The following PTCHD4 variants were observed in gnomAD, a reference collection of about 807,000 sequenced individuals.
PTCHD4 encodes patched domain containing 4, also known as patched domain-containing protein 4.
PTCHD4 carries 33 observed loss-of-function variants against 58.1 expected under a neutral mutation model. The observed-to-expected ratio is 0.57, with a 90% confidence interval of 0.43 to 0.76. The LOEUF (loss-of-function observed/expected upper bound fraction) is 0.76. Among genes scored for constraint, PTCHD4 ranks in the 30% least tolerant of loss-of-function variants. The probability of loss-of-function intolerance (pLI) is 0.00; values close to 1 mark genes in which losing one functional copy is unlikely to be tolerated. For missense variants in PTCHD4, 1,058 were observed against 1,027.1 expected, an observed-to-expected ratio of 1.03 and a Z score of -0.41; for synonymous variants, 478 against 409.6, an observed-to-expected ratio of 1.17 and a Z score of -2.02.
chr6:47,975,064 A>C (rs1004164035), intron 4 of PTCHD4, among the ~76,000 whole-genome samples: 1 of 152,178 alleles, frequency 6.6e-6, no homozygotes, highest in Non-Finnish European at 1.5e-5. Flanking sequence ...CTTCACCTCC[A>C]AGGCTGGGTT....
chr6:47,990,983 T>G (rs1768262112), intron 4 of PTCHD4, among the ~76,000 whole-genome samples: 1 of 151,940 alleles, frequency 6.6e-6, no homozygotes, highest in Non-Finnish European at 1.5e-5. Context: ...TCTTTCACAA[T>G]GTAGCACAGA....
intron 1 of PTCHD4, among the ~76,000 whole-genome samples, chr6:48,109,857 T>C (rs1207246918): frequency 6.6e-6 from 1 of 151,654 alleles, no homozygotes; most frequent in Non-Finnish European, 1.5e-5. Flanking sequence ...ATCAGGGAAA[T>C]AAAAATCAAA....
intron 1 of PTCHD4, among the ~76,000 whole-genome samples, chr6:48,075,173 G>A (rs1293737994): frequency 6.6e-6 from 1 of 152,118 alleles, no homozygotes; most frequent in Non-Finnish European, 1.5e-5. Flanking sequence ...CTATTTAAGA[G>A]GGTACATCAA....
chr6:47,960,155 T>C (rs1440169328), intron 4 of PTCHD4, among the ~76,000 whole-genome samples: 1 of 152,102 alleles, frequency 6.6e-6, no homozygotes, highest in Non-Finnish European at 1.5e-5. Context: ...GGTAGACTGA[T>C]AAAGAGTTAT....
intron 4 of PTCHD4, among the ~76,000 whole-genome samples, chr6:47,973,926 T>TAGTA (rs1283205037): frequency 1.3e-5 from 2 of 152,134 alleles, no homozygotes; most frequent in Non-Finnish European, 2.9e-5. Context: ...AGTTATCAAG[T>TAGTA]AGTAACATCA....
Position 47,879,058 on chromosome 6 carries a change from T to C in PTCHD4, c.1777A>G (p.Lys593Glu), listed in dbSNP as rs1763935647. ...ATGATATTGCTTTCATCCCCTGCCT[T>C]GGAGAAGATGATATCATTTCGAAAA... The part of the protein sequence containing the change: ...QHFRNDIIFS[K>E]AGDESNIIAS... The change falls in exon 5 of 5, where the codon AAG (lysine) becomes GAG (glutamate). Residue 593 changes from lysine to glutamate, a missense_variant. By Grantham distance (56) the Lys-to-Glu change is moderately conservative (BLOSUM62 1). Coordinates refer to ENST00000339488, the MANE Select transcript of PTCHD4 (RefSeq NM_001384253.1). 2.5e-6 allele frequency: 4 copies of C among 1,613,524 alleles called. No individual in the cohort carries two copies. In the East Asian group the frequency reaches 8.9e-5, roughly 36 times the overall value.
intron 1 of PTCHD4, among the ~76,000 whole-genome samples, chr6:48,095,742 A>AAC (rs887736821): frequency 6.6e-6 from 1 of 151,842 alleles, no homozygotes; most frequent in African/African-American, 2.4e-5. Context: ...CAAAAAAAAA[A>AAC]AAAAACAAAT....
intron 1 of PTCHD4, among the ~76,000 whole-genome samples, chr6:48,105,131 C>T (rs1381624731): frequency 5.3e-5 from 8 of 152,178 alleles, no homozygotes. Flanking sequence ...CTCTCCACCC[C>T]AAATCAACAG....
At chr6:48,104,869 T>C (rs1339864656) in intron 1 of PTCHD4, among the ~76,000 whole-genome samples, 1 of 152,114 alleles carries the variant, frequency 6.6e-6, no homozygotes, top group Admixed American at 6.5e-5. Context: ...CATTACATAA[T>C]GGTAAAGGGA....
At chr6:48,023,864 TA>T (rs1763152122) in intron 3 of PTCHD4, among the ~76,000 whole-genome samples, 1 of 152,178 alleles carries the variant, frequency 6.6e-6, no homozygotes, top group East Asian at 1.9e-4. Flanking sequence ...GAAAGACCCA[TA>T]GTTCATGCTA....
At position 47,859,518 on chromosome 6, in the gene PTCHD4, C is replaced by T. The variant is rs1331026599; in HGVS notation, c.*18785G>A. On this transcript the variant is annotated 3_prime_UTR_variant, in exon 5 of 5. Transcript: ENST00000339488. ...AACACTTGAAGCTTTCAAGGTCTAC[C>T]TGAACTAATTTCTTCCCTCCCTCCC... 6.6e-6 allele frequency among the ~76,000 whole-genome samples: 1 copy of T among 151,854 alleles called. No individual in the cohort carries two copies. Among genetic ancestry groups the T allele is most frequent in the Non-Finnish European group, 1.5e-5 (1 of 67,948 alleles).
chr6:47,878,078 A>C lies in PTCHD4; in HGVS notation c.*225T>G. The C allele has an allele frequency of 4.8e-6, 2 of 420,670 alleles. No homozygotes were observed. Among genetic ancestry groups the C allele is most frequent in the Non-Finnish European group, 8.4e-6 (2 of 237,946 alleles). 26.1% of individuals were successfully genotyped at this position (420,670 alleles called of 1,614,324 possible). On this transcript the variant is annotated 3_prime_UTR_variant, in exon 5 of 5. Transcript: ENST00000339488. ...GGAAGAGCTCTCAGATTACATCCAG[A>C]AACTTGTTTTTAGAGGAGAACAAGG...
intron 4 of PTCHD4, among the ~76,000 whole-genome samples, chr6:47,897,389 C>A (rs1764556865): frequency 6.6e-6 from 1 of 152,226 alleles, no homozygotes; most frequent in Admixed American, 6.5e-5. Context: ...TCTCAGCTTT[C>A]TCATTCCATG....
At chr6:48,004,544 A>G (rs765365525) in intron 4 of PTCHD4, among the ~76,000 whole-genome samples, 1 of 152,232 alleles carries the variant, frequency 6.6e-6, no homozygotes, top group African/African-American at 2.4e-5. Context: ...AAATTAAATT[A>G]GTGCCATTCT....
chr6:48,075,196 GGTT>G (rs1355495052), intron 1 of PTCHD4, among the ~76,000 whole-genome samples: 2 of 152,184 alleles, frequency 1.3e-5, no homozygotes, highest in Non-Finnish European at 1.5e-5. Flanking sequence ...ATGACTCATG[GGTT>G]CAGTCTTGTT....
intron 1 of PTCHD4, among the ~76,000 whole-genome samples, chr6:48,070,605 A>G (rs574905213): frequency 6.6e-6 from 1 of 152,326 alleles, no homozygotes; most frequent in Non-Finnish European, 1.5e-5. Flanking sequence ...CTTCTATATT[A>G]TCTCTGGTAG....
intron 3 of PTCHD4, among the ~76,000 whole-genome samples, chr6:48,057,888 A>T (rs1764468956): frequency 6.6e-6 from 1 of 152,250 alleles, no homozygotes; most frequent in African/African-American, 2.4e-5. Context: ...GATTCACATG[A>T]TCTTGTAATG....
chr6:48,095,066 C>T (rs183304706), intron 1 of PTCHD4, among the ~76,000 whole-genome samples: 31 of 152,162 alleles, frequency 2.0e-4, no homozygotes, highest in African/African-American at 7.0e-4. Flanking sequence ...AGAAAATTTT[C>T]GGGGATTGTG....
chr6:47,913,760 A>G (rs1765141558), intron 4 of PTCHD4, among the ~76,000 whole-genome samples: 1 of 152,150 alleles, frequency 6.6e-6, no homozygotes, highest in Admixed American at 6.6e-5. Flanking sequence ...ATGAGCAGAG[A>G]TGCCGAAACT....
Sources: allele counts gnomAD v4.1 joint callset (sites outside exome capture counted in the v4.1 genomes callset), GRCh38; gene constraint gnomAD v4.1.1; transcripts MANE v1.5; gene names NCBI Gene and HGNC (gene_info 2026-07-23, HGNC 2026-07-21).